PTPRR: variants seen among roughly 807,000 people sequenced by gnomAD.
PTPRR encodes the protein receptor-type tyrosine-protein phosphatase R.
PTPRR carries 38 observed loss-of-function variants against 77.2 expected under a neutral mutation model. The observed-to-expected ratio is 0.49, with a 90% CI of 0.38 to 0.65. The LOEUF is 0.65. Ranked by LOEUF, PTPRR falls within the 30% of genes least tolerant of loss-of-function variation. The pLI, the probability that PTPRR is intolerant of heterozygous loss-of-function variation, is 0.00. For synonymous variants in PTPRR, 299 were observed against 283.1 expected (o/e 1.06, Z -0.57); for missense variants, 744 against 799.2 (o/e 0.93, Z 0.83).
chr12:70,784,840 T>C (rs1212721364), intron 2 of PTPRR, among the ~76,000 whole-genome samples: 1 of 152,182 alleles, frequency 6.6e-6, no homozygotes, highest in East Asian at 1.9e-4. Context: ...GTAACCAGGA[T>C]AGTAATAATA....
At chr12:70,746,254 C>T (rs1204204305) in intron 5 of PTPRR, among the ~76,000 whole-genome samples, 168 bp from the exon 6 acceptor site, 1 of 152,110 alleles carries the variant, frequency 6.6e-6, no homozygotes, top group South Asian at 2.1e-4. Flanking sequence ...AGATTTTTCT[C>T]AAGACAGTAC....
rs1049375755 is a variant in PTPRR at position 70,841,008 on chromosome 12, G to A, written c.357+51671C>T. On this transcript the variant is annotated intron_variant, in intron 2 of 13. Coordinates refer to ENST00000283228, the MANE Select transcript of PTPRR (RefSeq NM_002849.4). ...TTTTGTCTAAAACTGGGCTTATCTC[G>A]GAGATAAAACAGCCCTGCAACCAAG... is the stretch of plus-strand genomic sequence containing the variant. Among the ~76,000 whole-genome samples, 72 of 134,520 alleles carry A rather than the reference G, an allele frequency of 5.4e-4. 1 individual carries two copies. The highest frequency in any genetic ancestry group is 1.9e-3 in the African/African-American group (64 of 33,980). 88.3% of individuals were successfully genotyped at this position (134,520 alleles called of 152,430 possible). A position where few individuals can be genotyped will look rare whatever the true frequency, so the allele number is the denominator to read the frequency against.
At chr12:70,824,452 T>C (rs1278970492) in intron 2 of PTPRR, among the ~76,000 whole-genome samples, 3 of 152,186 alleles carry the variant, frequency 2.0e-5, no homozygotes, top group Non-Finnish European at 4.4e-5. Context: ...CAAGAAACCA[T>C]GGTAGCTAAA....
chr12:70,647,726 T>A (rs544090615), intron 13 of PTPRR, among the ~76,000 whole-genome samples: 29 of 152,352 alleles, frequency 1.9e-4, no homozygotes, highest in African/African-American at 7.0e-4. Flanking sequence ...TTATACTGTG[T>A]TCAGTTTAGT....
At chr12:70,672,625 TGCC>T in intron 10 of PTPRR, 1 of 1,510,382 alleles carries the variant, frequency 6.6e-7, no homozygotes, top group African/African-American at 1.4e-5. Context: ...AAAGACCTGC[TGCC>T]AAGTGAATGG....
intron 2 of PTPRR, among the ~76,000 whole-genome samples, chr12:70,792,170 G>A (rs976241537): frequency 3.9e-5 from 6 of 152,150 alleles, no homozygotes; most frequent in Admixed American, 2.0e-4. Context: ...GGTCTACTAC[G>A]TCAGAGGTTG....
chr12:70,747,097 T>G (rs1565679737), intron 5 of PTPRR, among the ~76,000 whole-genome samples: 1 of 152,228 alleles, frequency 6.6e-6, no homozygotes, highest in African/African-American at 2.4e-5. Flanking sequence ...TGTAATGTGT[T>G]TTTTTAAGCT....
At chr12:70,802,082 C>T (rs1891626855) in intron 2 of PTPRR, among the ~76,000 whole-genome samples, 1 of 152,060 alleles carries the variant, frequency 6.6e-6, no homozygotes, top group Non-Finnish European at 1.5e-5. Context: ...AATGATTGTA[C>T]AGTATAAATA....
intron 6 of PTPRR, among the ~76,000 whole-genome samples, chr12:70,729,307 G>T (rs1030805668): frequency 5.3e-5 from 8 of 151,276 alleles, no homozygotes; most frequent in Non-Finnish European, 8.8e-5. Flanking sequence ...ATGTAGAGAT[G>T]ATCTATTTGT....
intron 2 of PTPRR, among the ~76,000 whole-genome samples, chr12:70,836,942 A>G (rs1317692020): frequency 1.3e-5 from 2 of 152,064 alleles, no homozygotes; most frequent in African/African-American, 2.4e-5. Context: ...CTGATTATAC[A>G]TGTAATATAT....
intron 1 of PTPRR, among the ~76,000 whole-genome samples, chr12:70,908,593 G>A (rs1276648662): frequency 2.0e-5 from 3 of 152,206 alleles, no homozygotes; most frequent in South Asian, 2.1e-4. Context: ...TCTCCACCTG[G>A]TCCCTCCCAC....
At chr12:70,778,832 T>C (rs1033713449) in intron 2 of PTPRR, among the ~76,000 whole-genome samples, 2 of 152,194 alleles carry the variant, frequency 1.3e-5, no homozygotes, top group East Asian at 1.9e-4. Flanking sequence ...TCTTGGTCTT[T>C]TGCATTCATT....
chr12:70,831,351 A>G (rs1892208802), intron 2 of PTPRR, among the ~76,000 whole-genome samples: 1 of 152,208 alleles, frequency 6.6e-6, no homozygotes, highest in African/African-American at 2.4e-5. Context: ...TGAACCCAGC[A>G]GTCTTACTAT....
chr12:70,826,950 G>C (rs1464327385), intron 2 of PTPRR, among the ~76,000 whole-genome samples: 1 of 152,128 alleles, frequency 6.6e-6, no homozygotes, highest in Non-Finnish European at 1.5e-5. Flanking sequence ...CAGGGGTTTT[G>C]GCCTTGCTCT....
At chr12:70,651,086 CTCTG>C (rs934319602) in intron 13 of PTPRR, among the ~76,000 whole-genome samples, 2 of 152,228 alleles carry the variant, frequency 1.3e-5, no homozygotes, top group Non-Finnish European at 2.9e-5. Flanking sequence ...TGCTCTTCAG[CTCTG>C]TCTTAGTGCC....
chr12:70,766,482 T>C (rs1177968627), intron 2 of PTPRR, among the ~76,000 whole-genome samples: 2 of 151,944 alleles, frequency 1.3e-5, no homozygotes, highest in African/African-American at 4.8e-5. Context: ...TAAAAAGAAG[T>C]GAACAAAGCC....
chr12:70,776,266 T>G (rs1891086530), intron 2 of PTPRR, among the ~76,000 whole-genome samples: 1 of 152,236 alleles, frequency 6.6e-6, no homozygotes, highest in South Asian at 2.1e-4. Flanking sequence ...CTGTCTATTC[T>G]ACCTGCTAAA....
Position 70,639,282 on chromosome 12 carries a change from A to G in PTPRR, c.1881-5T>C. 6.2e-7 allele frequency: 1 copy of G among 1,611,278 alleles called. No individual in the cohort carries two copies. Among genetic ancestry groups the G allele is most frequent in the Non-Finnish European group, 8.5e-7 (1 of 1,179,430 alleles). On this transcript the variant is annotated splice_region_variant and splice_polypyrimidine_tract_variant and intron_variant, in intron 13 of 13. Transcript: ENST00000283228. ...CTGGTTTGCACCATTCCACCTCTGC[A>G]AGGAAGAAATCATAAAATAACTGAT...
At chr12:70,678,307 C>T (rs1887525991) in intron 10 of PTPRR, among the ~76,000 whole-genome samples, 1 of 152,210 alleles carries the variant, frequency 6.6e-6, no homozygotes. Flanking sequence ...TGCCAAAGTG[C>T]TGGGGTTACA....
Sources: gnomAD v4.1 joint callset for allele counts (sites outside exome capture counted in the v4.1 genomes callset) on GRCh38, gnomAD v4.1.1 for gene constraint, MANE v1.5 for transcripts, NCBI Gene and HGNC (gene_info 2026-07-23, HGNC 2026-07-21) for gene names.